POLD3: variants seen among roughly 807,000 people sequenced by gnomAD.
POLD3 encodes DNA polymerase delta 3, accessory subunit, also known as DNA polymerase delta subunit 3.
In POLD3, 19 loss-of-function variants were observed where a neutral mutation model predicts 58.2. The observed-to-expected ratio is 0.33, with a 90% CI of 0.23 to 0.48. The LOEUF (loss-of-function observed/expected upper bound fraction) is 0.48, where lower values mean the gene tolerates loss of function less well. Ranked by LOEUF, POLD3 falls within the 20% of genes least tolerant of loss-of-function variation. The pLI is 0.99. For synonymous variants in POLD3, 172 were observed against 193.5 expected, an observed-to-expected ratio of 0.89 and a Z score of 0.92; for missense variants, 504 against 545.5, an observed-to-expected ratio of 0.92 and a Z score of 0.76.
chr11:74,652,247 T>A (rs1391363134), intron 4 of POLD3, among the ~76,000 whole-genome samples: 1 of 152,226 alleles, frequency 6.6e-6, no homozygotes, highest in Non-Finnish European at 1.5e-5. Flanking sequence ...CTCCAGAGCA[T>A]TATGCTTGCA....
At chr11:74,630,490 G>C (rs1026901879) in intron 9 of POLD3, among the ~76,000 whole-genome samples, 2 of 152,212 alleles carry the variant, frequency 1.3e-5, no homozygotes, top group Non-Finnish European at 2.9e-5. Flanking sequence ...ATTACAGCCT[G>C]TGATATCCTG....
intron 10 of POLD3, among the ~76,000 whole-genome samples, chr11:74,634,948 A>T (rs999424232): frequency 1.2e-4 from 19 of 152,134 alleles, no homozygotes; most frequent in African/African-American, 4.3e-4. Flanking sequence ...TGTTTTCATG[A>T]CCTTCAGCAT....
intron 7 of POLD3, among the ~76,000 whole-genome samples, chr11:74,625,126 A>G (rs1056540440): frequency 5.3e-5 from 8 of 152,234 alleles, no homozygotes; most frequent in Non-Finnish European, 1.2e-4. Context: ...TCTGAAAATG[A>G]GAAGGATGAT....
intron 2 of POLD3, among the ~76,000 whole-genome samples, chr11:74,597,174 G>A (rs914505911): frequency 4.4e-4 from 67 of 152,066 alleles, no homozygotes; most frequent in African/African-American, 1.5e-3. Flanking sequence ...CCTCCATACC[G>A]TTTTACATAA....
At chr11:74,607,602 G>A (rs2031734529) in intron 3 of POLD3, among the ~76,000 whole-genome samples, 1 of 151,568 alleles carries the variant, frequency 6.6e-6, no homozygotes, top group African/African-American at 2.4e-5. Context: ...TATTTTTTGA[G>A]ACAGGGTCTC....
chr11:74,636,093 A>G, intron 10 of POLD3, 104 bp from the exon 11 acceptor site: 1 of 1,068,618 alleles, frequency 9.4e-7, no homozygotes, highest in South Asian at 1.6e-5. Flanking sequence ...ACTTTTTATC[A>G]TAATGGAGTA....
chr11:74,641,051 G>C lies in POLD3; in HGVS notation c.*285G>C. 1 of 1,072,054 alleles carries C rather than the reference G, an allele frequency of 9.3e-7. No homozygotes were observed. The highest frequency in any genetic ancestry group is 4.2e-4 in the Middle Eastern group (1 of 2,370). The allele number at this position is 1,072,054 out of a possible 1,614,324, so 66.4% of individuals were successfully genotyped here. A position where few individuals can be genotyped will look rare whatever the true frequency, so the allele number is the denominator to read the frequency against. On this transcript the variant is annotated 3_prime_UTR_variant, in exon 12 of 12. Transcript: ENST00000263681. ...CAAAATTATACTGGAACAGTTTTCA[G>C]AATTCTCACTGAAGCCATTTAGTGG...
chr11:74,638,644 G>C (rs537415427), intron 11 of POLD3: 51 of 455,814 alleles, frequency 1.1e-4, no homozygotes, highest in Admixed American at 2.6e-4. Flanking sequence ...GTGAGATGGA[G>C]GTGGTGTTCT....
exon 5 of POLD3, chr11:74,668,838 C>G: frequency 7.9e-7 from 1 of 1,263,668 alleles, no homozygotes; most frequent in Non-Finnish European, 1.0e-6. Context: ...AAATGCCCAT[C>G]CAGCGGTTGG....
intron 5 of POLD3, among the ~76,000 whole-genome samples, chr11:74,615,789 G>A (rs1274154662): frequency 2.6e-5 from 4 of 152,144 alleles, no homozygotes; most frequent in Non-Finnish European, 5.9e-5. Context: ...AGTTCCATGA[G>A]AATAGGGATC....
chr11:74,609,364 ATATATATATTTTTTTTTTT>A (rs1471239331), intron 3 of POLD3, among the ~76,000 whole-genome samples: 3 of 43,180 alleles, frequency 6.9e-5, no homozygotes, highest in African/African-American at 5.1e-4. Context: ...ATATATATAT[ATATATATATTTTTTTTTTT>A]TTTTTTTTTT....
chr11:74,604,735 G>A lies in POLD3; in HGVS notation c.160G>A (p.Gly54Arg). 2 of 1,611,862 alleles carry A rather than the reference G, an allele frequency of 1.2e-6. No homozygotes were observed. The highest frequency in any genetic ancestry group is 3.3e-5 in the Admixed American group (2 of 60,004). ...TGAAAGGAAACGAAAAGAAAATTCA[G>A]GAGCCCAACTGCATGTTACCTACTT... ...YVERKRKENS[G>R]AQLHVTYLVS... Residue 54 changes from glycine (G) to arginine (R), a missense_variant, in exon 3 of 12, where the codon GGA becomes AGA. Physicochemically the swap from Gly to Arg is moderately radical, Grantham distance 125 (BLOSUM62 -2). This residue lies in a region of POLD3 where 119 missense variants were observed against 175.0 expected (regional missense o/e 0.68). Transcript: ENST00000263681.
At chr11:74,625,661 G>A (rs887377430) in intron 8 of POLD3, 88 bp downstream of exon 8, 6 of 1,078,214 alleles carry the variant, frequency 5.6e-6, no homozygotes, top group Non-Finnish European at 8.0e-6. Flanking sequence ...GCAGTTTTCA[G>A]TTAAGTACTA....
intron 7 of POLD3, among the ~76,000 whole-genome samples, chr11:74,624,097 A>T (rs1329868590): frequency 2.0e-5 from 3 of 152,220 alleles, no homozygotes; most frequent in African/African-American, 7.2e-5. Context: ...AATTTTTAAA[A>T]CAATTGCTAT....
At chr11:74,633,030 G>A (rs1255523556) in intron 9 of POLD3, among the ~76,000 whole-genome samples, 1 of 152,064 alleles carries the variant, frequency 6.6e-6, no homozygotes, top group Non-Finnish European at 1.5e-5. Flanking sequence ...TGCCTACAGT[G>A]CTGTGAGAGA....
At chr11:74,628,302 A>G (rs1054525474) in intron 8 of POLD3, among the ~76,000 whole-genome samples, 3 of 152,146 alleles carry the variant, frequency 2.0e-5, no homozygotes, top group African/African-American at 7.2e-5. Flanking sequence ...CAAAAATAAC[A>G]ACTTTGGCTT....
In POLD3 at chr11:74,639,417, GA is replaced by G. The variant is rs913113955; in HGVS notation, c.1199-1138del. Among the ~76,000 whole-genome samples, 6 of 150,378 alleles carry G rather than the reference GA, an allele frequency of 4.0e-5. No homozygotes were observed. In the East Asian group the frequency reaches 5.8e-4, roughly 15 times the overall value. ...TCAAGACTGTCATTGTTCTTTAATG[GA>G]AAAAAAAACCTTTTACTTTAATCAT... On this transcript the variant is annotated intron_variant, in intron 11 of 11. Transcript: ENST00000263681.
chr11:74,630,259 A>G (rs2032552065), intron 9 of POLD3, among the ~76,000 whole-genome samples: 1 of 152,210 alleles, frequency 6.6e-6, no homozygotes, highest in Admixed American at 6.5e-5. Context: ...AAACTACTCT[A>G]AGAGGAATTG....
intron 7 of POLD3, among the ~76,000 whole-genome samples, chr11:74,622,332 C>T (rs571751995): frequency 7.9e-5 from 12 of 151,624 alleles, no homozygotes; most frequent in East Asian, 7.7e-4. Flanking sequence ...AATAAACATA[C>T]GTGTGCATGT....
Sources: gnomAD v4.1 joint callset for allele counts (sites outside exome capture counted in the v4.1 genomes callset) on GRCh38, gnomAD v4.1.1 for gene constraint, gnomAD v4.1.1 regional missense constraint, MANE v1.5 for transcripts, NCBI Gene and HGNC (gene_info 2026-07-23, HGNC 2026-07-21) for gene names.